The following METTL15 variants were observed in gnomAD, a reference collection of about 807,000 sequenced individuals.
METTL15 encodes methyltransferase 15, mitochondrial 12S rRNA N4-cytidine.
METTL15 carries 34 observed loss-of-function variants against 38.3 expected under a neutral mutation model. The observed-to-expected ratio is 0.89, with a 90% CI of 0.68 to 1.18. METTL15 has a LOEUF of 1.18. Among genes scored for constraint, METTL15 ranks in the 50% most tolerant of loss-of-function variants. The pLI is 0.00. For missense variants in METTL15, 438 were observed against 498.4 expected, an observed-to-expected ratio of 0.88 and a Z score of 1.15; for synonymous variants, 162 against 170.9, an observed-to-expected ratio of 0.95 and a Z score of 0.41.
chr11:28,496,306 G>C (rs1851535184), intron 6 of METTL15, among the ~76,000 whole-genome samples: 1 of 152,146 alleles, frequency 6.6e-6, no homozygotes. Context: ...GATTCCATGA[G>C]ACTTATTGAC....
intron 6 of METTL15, among the ~76,000 whole-genome samples, chr11:28,466,414 T>G (rs1482717781): frequency 2.0e-5 from 3 of 152,204 alleles, no homozygotes; most frequent in African/African-American, 7.2e-5. Context: ...AGAAACCTGT[T>G]TTCTTAAGTT....
Position 28,377,708 on chromosome 11 carries a change from G to T in METTL15, c.*358+15672G>T, listed in dbSNP as rs1458202504. Among the ~76,000 whole-genome samples, 4 of 152,204 alleles carry T rather than the reference G, an allele frequency of 2.6e-5. No homozygotes were observed. The East Asian group carries it at 7.7e-4, about 29-fold the overall frequency. On this transcript the variant is annotated intron_variant and NMD_transcript_variant, in intron 5 of 7. Coordinates refer to the METTL15 transcript ENST00000532947. ...TTTGTTCCTTTGCTGGTGAGGAGCT[G>T]CATTCCTTTGGATGAGGAGAGGCAC...
intron 6 of METTL15, among the ~76,000 whole-genome samples, chr11:28,458,863 G>C (rs873756): frequency 0.42 from 64,479 of 152,068 alleles, 15,055 homozygotes; most frequent in Admixed American, 0.54. Context: ...GAAGAATGTC[G>C]ATTGGTAGAA....
rs747931198 is a variant in METTL15, at chr11:28,435,942, C to T, written c.*424+11578C>T. ...CTAGAGATAAAAACAGTTTTATGTC[C>T]CTCCCGGAAAATCATGGACTCCCTA... On this transcript the variant is annotated intron_variant and NMD_transcript_variant, in intron 6 of 7. Coordinates refer to the METTL15 transcript ENST00000532947. Among the ~76,000 whole-genome samples the T allele has an allele frequency of 5.3e-5, 8 of 152,232 alleles. 1 individual carries two copies. The South Asian group carries it at 1.5e-3, about 28-fold the overall frequency.
At chr11:28,362,769 T>C (rs1590345283) in intron 5 of METTL15, among the ~76,000 whole-genome samples, 2 of 152,362 alleles carry the variant, frequency 1.3e-5, no homozygotes, top group African/African-American at 2.4e-5. Flanking sequence ...TAATCCACTG[T>C]TGATGGACAC....
intron 4 of METTL15, among the ~76,000 whole-genome samples, chr11:28,286,241 GA>G (rs1220749115): frequency 8.5e-5 from 13 of 152,140 alleles, no homozygotes; most frequent in African/African-American, 3.1e-4. Flanking sequence ...CTGATTGGAT[GA>G]GGCACATCTA....
At chr11:28,130,526 AGT>A (rs1852718271) in intron 3 of METTL15, among the ~76,000 whole-genome samples, 1 of 152,152 alleles carries the variant, frequency 6.6e-6, no homozygotes, top group African/African-American at 2.4e-5. Context: ...TATACATGTG[AGT>A]ACTGGATCTT....
intron 4 of METTL15, among the ~76,000 whole-genome samples, chr11:28,216,466 A>G (rs781711403): frequency 1.3e-5 from 2 of 152,188 alleles, no homozygotes; most frequent in African/African-American, 4.8e-5. Context: ...GGATTCAAGA[A>G]TAACTTCTAG....
intron 3 of METTL15, among the ~76,000 whole-genome samples, chr11:28,208,428 G>GT (rs1852464439): frequency 6.6e-6 from 1 of 152,146 alleles, no homozygotes; most frequent in Non-Finnish European, 1.5e-5. Flanking sequence ...TTTTGAGTGA[G>GT]TTTCTTAATC....
intron 6 of METTL15, among the ~76,000 whole-genome samples, chr11:28,435,135 G>T (rs1293925574): frequency 1.3e-5 from 2 of 152,108 alleles, no homozygotes; most frequent in Non-Finnish European, 2.9e-5. Flanking sequence ...GCTTGACCAC[G>T]TGAAATACAT....
chr11:28,520,779 C>T (rs980169072), intron 6 of METTL15, among the ~76,000 whole-genome samples: 1 of 152,176 alleles, frequency 6.6e-6, no homozygotes, highest in African/African-American at 2.4e-5. Context: ...AAATGAATTT[C>T]AAAAGCTTTC....
At chr11:28,260,199 TC>T (rs752948531) in intron 4 of METTL15, among the ~76,000 whole-genome samples, 1 of 152,226 alleles carries the variant, frequency 6.6e-6, no homozygotes, top group Non-Finnish European at 1.5e-5. Context: ...CAGTTTCATT[TC>T]CATATCAGGC....
chr11:28,274,261 G>A (rs1372424460), intron 4 of METTL15, among the ~76,000 whole-genome samples: 3 of 151,938 alleles, frequency 2.0e-5, no homozygotes, highest in Non-Finnish European at 4.4e-5. Flanking sequence ...AAGTTTTAAT[G>A]AACTTTTTTC....
intron 4 of METTL15, among the ~76,000 whole-genome samples, chr11:28,260,280 T>G (rs936390521): frequency 6.6e-6 from 1 of 152,234 alleles, no homozygotes; most frequent in Non-Finnish European, 1.5e-5. Context: ...TTCTGGTCAT[T>G]CAGGCTCAAA....
chr11:28,157,741 C>A (rs964271916), intron 3 of METTL15, among the ~76,000 whole-genome samples: 19 of 152,134 alleles, frequency 1.2e-4, no homozygotes, highest in African/African-American at 4.6e-4. Flanking sequence ...AAGTAATTTA[C>A]ATGAGGAAGT....
At chr11:28,313,891 A>G (rs1857391293) in intron 6 of METTL15, among the ~76,000 whole-genome samples, 1 of 152,166 alleles carries the variant, frequency 6.6e-6, no homozygotes, top group Non-Finnish European at 1.5e-5. Context: ...TCAAAGTGAG[A>G]TTAATAGCAC....
chr11:28,221,063 A>G (rs1364943454), intron 4 of METTL15, among the ~76,000 whole-genome samples: 1 of 152,116 alleles, frequency 6.6e-6, no homozygotes, highest in Non-Finnish European at 1.5e-5. Context: ...CTCGTGGAGT[A>G]TCTTTGTGGT....
chr11:28,222,049 A>G (rs80210584), intron 4 of METTL15, among the ~76,000 whole-genome samples: 12 of 152,188 alleles, frequency 7.9e-5, no homozygotes, highest in Non-Finnish European at 1.6e-4. Context: ...CTCAAGCTGC[A>G]TGCTGGGAGA....
At chr11:28,242,503 C>G (rs184627090) in intron 4 of METTL15, among the ~76,000 whole-genome samples, 7 of 152,130 alleles carry the variant, frequency 4.6e-5, no homozygotes, top group Non-Finnish European at 8.8e-5. Context: ...TAAAAATGCT[C>G]ATTTTTCTAA....
Sources: allele counts gnomAD v4.1 joint callset (sites outside exome capture counted in the v4.1 genomes callset), GRCh38; gene constraint gnomAD v4.1.1; transcripts MANE v1.5; gene names NCBI Gene and HGNC (gene_info 2026-07-23, HGNC 2026-07-21).